The following CDC23 variants were observed in gnomAD, a reference collection of about 807,000 sequenced individuals.
CDC23 encodes cell division cycle protein 23 homolog.
In CDC23, 26 loss-of-function variants were observed where a neutral mutation model predicts 81.7. That is an observed-to-expected ratio of 0.32 (90% CI 0.23 to 0.44). The LOEUF (loss-of-function observed/expected upper bound fraction) is 0.44. Among genes scored for constraint, CDC23 ranks in the 20% least tolerant of loss-of-function variants. CDC23 has a pLI of 1.00. For synonymous variants in CDC23, 267 were observed against 270.8 expected, an observed-to-expected ratio of 0.99 and a Z score of 0.14; for missense variants, 519 against 728.0, an observed-to-expected ratio of 0.71 and a Z score of 3.30.
intron 10 of CDC23, 48 bp from the exon 11 acceptor site, chr5:138,192,436 G>C (rs1192530817): frequency 6.2e-7 from 1 of 1,613,792 alleles, no homozygotes; most frequent in Admixed American, 1.7e-5. Flanking sequence ...ATCAAGGTTG[G>C]CAACTTGCAG....
chr5:138,204,972 T>C (rs982774880), intron 3 of CDC23, among the ~76,000 whole-genome samples: 1 of 151,558 alleles, frequency 6.6e-6, no homozygotes, highest in Non-Finnish European at 1.5e-5. Flanking sequence ...TGGAGTATAG[T>C]GGTACAATCT....
intron 3 of CDC23, among the ~76,000 whole-genome samples, chr5:138,202,613 C>A (rs555530480): frequency 6.6e-6 from 1 of 152,098 alleles, no homozygotes; most frequent in Non-Finnish European, 1.5e-5. Context: ...CTCTTCAGGG[C>A]CTCCCTGGCC....
chr5:138,195,124 G>A (rs1359174591), intron 9 of CDC23, among the ~76,000 whole-genome samples: 1 of 151,890 alleles, frequency 6.6e-6, no homozygotes, highest in African/African-American at 2.4e-5. Flanking sequence ...ACTGTTGAAT[G>A]AGAAAACCAA....
intron 6 of CDC23, among the ~76,000 whole-genome samples, chr5:138,199,180 G>A (rs185195444): frequency 6.6e-6 from 1 of 152,306 alleles, no homozygotes; most frequent in Non-Finnish European, 1.5e-5. Flanking sequence ...CTGGGAAGTA[G>A]CAGAAAAATC....
At chr5:138,190,798 C>T (rs1754817988) in intron 13 of CDC23, among the ~76,000 whole-genome samples, 1 of 151,548 alleles carries the variant, frequency 6.6e-6, no homozygotes, top group African/African-American at 2.4e-5. Flanking sequence ...ATCCTAGCTA[C>T]TCTCTAATCT....
intron 9 of CDC23, among the ~76,000 whole-genome samples, chr5:138,195,581 A>ATATATAATATATGATATAT (rs1376128553): frequency 8.8e-5 from 6 of 68,546 alleles, no homozygotes; most frequent in Non-Finnish European, 1.9e-4. Flanking sequence ...TATATAATAT[A>ATATATAATATATGATATAT]TTATATATAA....
At chr5:138,190,713 C>G (rs1200126174) in intron 13 of CDC23, among the ~76,000 whole-genome samples, 1 of 152,082 alleles carries the variant, frequency 6.6e-6, no homozygotes, top group Non-Finnish European at 1.5e-5. Flanking sequence ...TGCACTCTAG[C>G]CTCCGTGACA....
chr5:138,207,030 C>T (rs1755057987), intron 2 of CDC23, among the ~76,000 whole-genome samples: 1 of 151,828 alleles, frequency 6.6e-6, no homozygotes, highest in Non-Finnish European at 1.5e-5. Flanking sequence ...CAGGTGTGCG[C>T]CACCACTTCC....
At chr5:138,192,059 T>C in intron 11 of CDC23, 122 bp from the exon 12 acceptor site, 2 of 920,618 alleles carry the variant, frequency 2.2e-6, no homozygotes, top group East Asian at 2.5e-5. Context: ...TGATGCTCCA[T>C]ATAATAGATT....
intron 2 of CDC23, among the ~76,000 whole-genome samples, chr5:138,208,608 A>G (rs1755078777): frequency 1.3e-5 from 2 of 152,240 alleles, no homozygotes; most frequent in South Asian, 4.1e-4. Context: ...CTATGTATAC[A>G]TGCATACTAT....
Position 138,189,835 on chromosome 5 carries a change from G to C in CDC23, c.1496C>G (p.Ser499Cys), listed in dbSNP as rs1754806435. 2 of 1,613,764 alleles carry C rather than the reference G, an allele frequency of 1.2e-6. No homozygotes were observed. Among genetic ancestry groups the C allele is most frequent in the South Asian group, 2.2e-5 (2 of 91,082 alleles). Reference protein sequence around the residue: ...CYIKYIQDIYSCGEIVEHLEE... With the variant: ...CYIKYIQDIYCCGEIVEHLEE... ...TCATGGTATGATACATACCCCACAG[G>C]AATAGATATCTTGGATATATTTGAT... is the stretch of plus-strand genomic sequence containing the variant. Residue 499 changes from serine (S) to cysteine (C), a missense_variant, in exon 14 of 16, where the codon TCC becomes TGC. Transcript: ENST00000394886.
Position 138,193,090 on chromosome 5 carries a change from G to A in CDC23, c.1013-433C>T, listed in dbSNP as rs779684490. On this transcript the variant is annotated intron_variant, in intron 9 of 15. Transcript: ENST00000394886. ...GAGCACAGGCACATGCCACCAAGCC[G>A]GGGTAATTTTTAAATTTTTTTGTGG... Among the ~76,000 whole-genome samples the A allele has an allele frequency of 7.2e-5, 11 of 151,970 alleles. No individual in the cohort carries two copies. The East Asian group carries it at 9.7e-4, about 13-fold the overall frequency.
chr5:138,209,151 G>A lies in CDC23; in HGVS notation c.235-2467C>T, dbSNP rs1755085489. On this transcript the variant is annotated intron_variant, in intron 2 of 15. Coordinates refer to ENST00000394886, the MANE Select transcript of CDC23 (RefSeq NM_004661.4). ...CAGAAAAGCTAAGCTTCAGGGCCAG[G>A]TGTGGTGGCTCATGCCTGTAATCCC... Among the ~76,000 whole-genome samples, 4 of 152,204 alleles carry A rather than the reference G, an allele frequency of 2.6e-5. No individual in the cohort carries two copies. The South Asian group carries it at 8.3e-4, about 32-fold the overall frequency.
intron 11 of CDC23, 144 bp from the exon 12 acceptor site, chr5:138,192,081 A>G: frequency 1.1e-6 from 1 of 920,394 alleles, no homozygotes; most frequent in Non-Finnish European, 1.7e-6. Context: ...CTTTGTGTTC[A>G]TAATTATACT....
chr5:138,204,622 C>CTTTTTTT (rs1485225390), intron 3 of CDC23, among the ~76,000 whole-genome samples: 2 of 135,594 alleles, frequency 1.5e-5, no homozygotes. Context: ...TTCAGACTCT[C>CTTTTTTT]TTTTTTCTTT....
rs776891523 is a variant in CDC23, at chr5:138,201,457, G to T, written c.416-9C>A. On this transcript the variant is annotated splice_polypyrimidine_tract_variant and intron_variant, in intron 4 of 15. Coordinates refer to ENST00000394886, the MANE Select transcript of CDC23 (RefSeq NM_004661.4). ...TCCTTTTTCCAGGGGGCCTAGGAAAGAAACAGAGTCTCTGTTCTAAGGTTA... is the reference window on the plus strand; with the variant it reads ...TCCTTTTTCCAGGGGGCCTAGGAAATAAACAGAGTCTCTGTTCTAAGGTTA... The T allele has an allele frequency of 2.5e-6, 4 of 1,581,216 alleles. No homozygotes were observed. Among genetic ancestry groups the T allele is most frequent in the Non-Finnish European group, 2.6e-6 (3 of 1,151,138 alleles).
At chr5:138,209,015 C>T (rs1188491776) in intron 2 of CDC23, among the ~76,000 whole-genome samples, 3 of 152,178 alleles carry the variant, frequency 2.0e-5, no homozygotes, top group Non-Finnish European at 4.4e-5. Flanking sequence ...GAACTCCCGG[C>T]CTCAAGCAGT....
At chr5:138,189,481 ACTC>A in intron 15 of CDC23, 149 bp downstream of exon 15, 2 of 745,202 alleles carry the variant, frequency 2.7e-6, no homozygotes, top group Non-Finnish European at 4.3e-6. Context: ...CTGGTCTTGA[ACTC>A]CTGGACACAA....
chr5:138,196,564 G>C (rs916309199), intron 9 of CDC23, among the ~76,000 whole-genome samples: 1 of 150,904 alleles, frequency 6.6e-6, no homozygotes, highest in Non-Finnish European at 1.5e-5. Context: ...TGGGATTACA[G>C]GCGCTGTGAG....
Sources: allele counts gnomAD v4.1 joint callset (sites outside exome capture counted in the v4.1 genomes callset), GRCh38; gene constraint gnomAD v4.1.1; transcripts MANE v1.5; gene names NCBI Gene and HGNC (gene_info 2026-07-23, HGNC 2026-07-21).